The following PIK3C2G variants were observed in gnomAD, a reference collection of about 807,000 sequenced individuals.
The protein encoded by PIK3C2G is phosphatidylinositol-4-phosphate 3-kinase catalytic subunit type 2 gamma.
Under a neutral mutation model 181.1 loss-of-function variants are expected in PIK3C2G, and 168 were observed. That is an observed-to-expected ratio of 0.93 (90% CI 0.82 to 1.05). The LOEUF (loss-of-function observed/expected upper bound fraction) is 1.05. PIK3C2G is among the 50% of genes least tolerant of loss of function. The pLI is 0.00. For synonymous variants in PIK3C2G, 573 were observed against 592.2 expected, an observed-to-expected ratio of 0.97 and a Z score of 0.47; for missense variants, 1,869 against 1,732.8, an observed-to-expected ratio of 1.08 and a Z score of -1.40.
chr12:18,615,367 G>GTA (rs1565565038), intron 31 of PIK3C2G, among the ~76,000 whole-genome samples: 1,108 of 88,578 alleles, frequency 0.013, 16 homozygotes, highest in African/African-American at 0.035. Flanking sequence ...GTGTGTGTGT[G>GTA]TGTATGTGTA....
intron 16 of PIK3C2G, among the ~76,000 whole-genome samples, chr12:18,406,801 G>A (rs1399784398): frequency 6.6e-6 from 1 of 152,160 alleles, no homozygotes; most frequent in Non-Finnish European, 1.5e-5. Context: ...ATAGATAAGT[G>A]TGGATACAGA....
chr12:18,497,627 T>C lies in PIK3C2G; in HGVS notation c.2895T>C (p.Asp965=). The C allele has an allele frequency of 1.2e-6, 2 of 1,612,444 alleles. No individual in the cohort carries two copies. Among genetic ancestry groups the C allele is most frequent in the Non-Finnish European group, 1.7e-6 (2 of 1,179,054 alleles). ...AATTTTGTTTTTAACAGGCTGGAGA[T>C]GATCTTCGTCAGGATATGCTTGTTC... The part of the protein sequence containing the change: ...KNISIIFKAG[D]DLRQDMLVLQ... Residue 965 remains aspartate (D), a synonymous_variant, in exon 22 of 33, where the codon GAT becomes GAC. Coordinates refer to ENST00000538779, the MANE Select transcript of PIK3C2G (RefSeq NM_001288772.2).
chr12:18,602,758 A>G (rs1254203021), intron 30 of PIK3C2G, among the ~76,000 whole-genome samples: 1 of 152,128 alleles, frequency 6.6e-6, no homozygotes. Context: ...GGGTGAATGA[A>G]CCCGGAAGAG....
chr12:18,669,869 C>T, the PIK3C2G span, among the ~76,000 whole-genome samples: 2 of 152,114 alleles, frequency 1.3e-5, no homozygotes, highest in Non-Finnish European at 2.9e-5. Context: ...CAGGGTTTCA[C>T]CACGTTGCTC....
chr12:18,313,280 AG>A (rs1950715216), intron 5 of PIK3C2G, among the ~76,000 whole-genome samples: 1 of 152,222 alleles, frequency 6.6e-6, no homozygotes, highest in Admixed American at 6.5e-5. Context: ...AGGCAAAAAA[AG>A]AAAGAGAAAG....
At chr12:18,459,907 C>T (rs1204202800) in intron 18 of PIK3C2G, among the ~76,000 whole-genome samples, 1 of 152,076 alleles carries the variant, frequency 6.6e-6, no homozygotes, top group East Asian at 1.9e-4. Flanking sequence ...AGACTACAGG[C>T]ACCTGCCACC....
chr12:18,500,242 G>GGCCGGCCGGCCCT (rs1400504864), intron 22 of PIK3C2G, among the ~76,000 whole-genome samples: 2 of 151,800 alleles, frequency 1.3e-5, no homozygotes, highest in Admixed American at 6.6e-5. Context: ...CACTCGGAGC[G>GGCCGGCCGGCCCT]GCCGGCCGGC....
chr12:18,650,297 CTCTCTCT>C (rs1950365217), downstream of PIK3C2G, among the ~76,000 whole-genome samples: 1 of 12,692 alleles, frequency 7.9e-5, no homozygotes, highest in African/African-American at 3.9e-4. Flanking sequence ...CCAAATTTCT[CTCTCTCT>C]CTCTCTCTCT....
Position 18,315,892 on chromosome 12 carries a change from CGT to C in PIK3C2G, c.1137+1857_1137+1858del, listed in dbSNP as rs59803351. ...CAAAAATTCTAGCTTCATGCATCCA[CGT>C]GTGTGTGTGTGTGTGTGTGTGTGTG... On this transcript the variant is annotated intron_variant, in intron 6 of 32. Coordinates refer to ENST00000538779, the MANE Select transcript of PIK3C2G (RefSeq NM_001288772.2). 3.5e-3 allele frequency among the ~76,000 whole-genome samples: 515 copies of C among 147,306 alleles called. 1 individual carries two copies. Among genetic ancestry groups the C allele is most frequent in the Middle Eastern group, 7.1e-3 (2 of 280 alleles).
At chr12:18,683,026 C>G in the PIK3C2G span, 1 of 542,940 alleles carries the variant, frequency 1.8e-6, no homozygotes, top group South Asian at 2.4e-5. Flanking sequence ...AATCAGCAAA[C>G]AAGAACGCCA....
intron 22 of PIK3C2G, among the ~76,000 whole-genome samples, chr12:18,500,757 A>C (rs1021301495): frequency 3.3e-5 from 5 of 152,178 alleles, no homozygotes; most frequent in African/African-American, 1.2e-4. Flanking sequence ...TGCCCAAGCC[A>C]GCAGTGGCAA....
intron 14 of PIK3C2G, among the ~76,000 whole-genome samples, chr12:18,383,108 T>C (rs935035430): frequency 2.0e-5 from 3 of 152,208 alleles, no homozygotes; most frequent in Admixed American, 1.3e-4. Flanking sequence ...AAGATAAATA[T>C]ATCCATGAAT....
chr12:18,413,633 T>C (rs1451544950), intron 16 of PIK3C2G, among the ~76,000 whole-genome samples: 1 of 152,120 alleles, frequency 6.6e-6, no homozygotes, highest in Non-Finnish European at 1.5e-5. Flanking sequence ...GACATCAGCC[T>C]CATGAATCTC....
At chr12:18,381,733 CCTGT>C (rs1942847996) in intron 13 of PIK3C2G, 29 bp from the exon 14 acceptor site, 1 of 1,227,480 alleles carries the variant, frequency 8.1e-7, no homozygotes. Context: ...TGAAGTGACT[CCTGT>C]CTGTGTGTGT....
chr12:18,300,315 A>G (rs540396264), intron 5 of PIK3C2G, among the ~76,000 whole-genome samples: 1 of 152,006 alleles, frequency 6.6e-6, no homozygotes, highest in Non-Finnish European at 1.5e-5. Flanking sequence ...ACTATTTCAC[A>G]TATAAAGAGA....
intron 25 of PIK3C2G, 52 bp from the exon 26 acceptor site, chr12:18,546,271 T>A (rs531749336): frequency 9.4e-7 from 1 of 1,062,982 alleles, no homozygotes; most frequent in Non-Finnish European, 1.4e-6. Context: ...CTTGATTGTA[T>A]CTGCATTTAT....
chr12:18,357,804 GTAACCAACATTC>G (rs1365276729), intron 11 of PIK3C2G, among the ~76,000 whole-genome samples: 4 of 152,166 alleles, frequency 2.6e-5, no homozygotes, highest in Non-Finnish European at 5.9e-5. Flanking sequence ...CAAGTGCCCG[GTAACCAACATTC>G]TACTTTTTGC....
At chr12:18,507,629 A>G (rs1352625872) in intron 24 of PIK3C2G, among the ~76,000 whole-genome samples, 1 of 151,998 alleles carries the variant, frequency 6.6e-6, no homozygotes, top group Admixed American at 6.5e-5. Context: ...CCTGAACTCT[A>G]TCTACCTTTT....
intron 1 of PIK3C2G, among the ~76,000 whole-genome samples, chr12:18,277,710 A>T (rs1949042701): frequency 6.6e-6 from 1 of 152,142 alleles, no homozygotes; most frequent in Non-Finnish European, 1.5e-5. Flanking sequence ...TTGTAAAATA[A>T]ACATTTTTGT....
Sources: allele counts gnomAD v4.1 joint callset (sites outside exome capture counted in the v4.1 genomes callset), GRCh38; gene constraint gnomAD v4.1.1; transcripts MANE v1.5; gene names NCBI Gene and HGNC (gene_info 2026-07-23, HGNC 2026-07-21).